Variants in STRIP2 observed in about 807,000 individuals in gnomAD.
The protein encoded by STRIP2 is striatin interacting protein 2.
In STRIP2, 84 loss-of-function variants were observed where a neutral mutation model predicts 107.1. The ratio of observed to expected loss-of-function variants is 0.78; its 90% confidence interval spans 0.66 to 0.94. The LOEUF is 0.94. STRIP2 is among the 40% of genes least tolerant of loss of function. The pLI is 0.00. For missense variants in STRIP2, 888 were observed against 1,034.2 expected, an observed-to-expected ratio of 0.86 and a Z score of 1.94; for synonymous variants, 394 against 400.4, an observed-to-expected ratio of 0.98 and a Z score of 0.19.
intron 18 of STRIP2, among the ~76,000 whole-genome samples, chr7:129,479,550 C>T (rs1202290731): frequency 6.8e-6 from 1 of 147,734 alleles, no homozygotes; most frequent in Non-Finnish European, 1.5e-5. Flanking sequence ...AGTTCAATGG[C>T]GTGGTCTTGG....
In STRIP2 at chr7:129,458,367, G is replaced by C. The variant is rs747858494; in HGVS notation, c.1191G>C (p.Leu397=). The part of the protein sequence containing the change: ...GELDLLEQDP[L]VPPPPSQAPL... ...TAGACCTGCTAGAGCAGGACCCTCT[G>C]GTGCCACCTCCACCCTCACAGGCAC... is the stretch of plus-strand genomic sequence containing the variant. The change falls in exon 10 of 21, where the codon CTG becomes CTC. Residue 397 remains leucine (L), a synonymous_variant. Transcript: ENST00000249344. The surrounding 1 kb of genome is among the most constrained non-coding windows in gnomAD (Gnocchi z 4.6). 2 of 1,613,900 alleles carry C rather than the reference G, an allele frequency of 1.2e-6. No homozygotes were observed. The highest frequency in any genetic ancestry group is 2.7e-5 in the African/African-American group (2 of 74,922).
chr7:129,453,916 A>C (rs1362529418), intron 5 of STRIP2, among the ~76,000 whole-genome samples: 9 of 152,182 alleles, frequency 5.9e-5, no homozygotes. Flanking sequence ...TGGGGAATGC[A>C]AGAGGAGTGG....
rs1412128586 is a variant in STRIP2 at position 129,451,024 on chromosome 7, C to T, written c.275-589C>T. ...GGATCTCGGCTCACTGCAAGCTCCG[C>T]CTCCCGGGTTCACGCCATTCTCCTG... On this transcript the variant is annotated intron_variant, in intron 3 of 20. Coordinates refer to ENST00000249344, the MANE Select transcript of STRIP2 (RefSeq NM_020704.3). Among the ~76,000 whole-genome samples, 959 of 131,390 alleles carry T rather than the reference C, an allele frequency of 7.3e-3. 13 individuals are homozygous for T. The highest frequency in any genetic ancestry group is 0.026 in the African/African-American group (926 of 35,932). The allele number at this position is 131,390 out of a possible 152,430, so 86.2% of individuals were successfully genotyped here. A position where few individuals can be genotyped will look rare whatever the true frequency, so the allele number is the denominator to read the frequency against.
Position 129,453,321 on chromosome 7 carries a change from C to G in STRIP2, c.504C>G (p.Phe168Leu). Residue 168 changes from phenylalanine (F) to leucine (L), a missense_variant, in exon 5 of 21, where the codon TTC becomes TTG. By Grantham distance (22) the Phe-to-Leu change is conservative (BLOSUM62 0). Transcript: ENST00000249344. ...LLYQMGTFST[F>L]LELLHMEIDN... Reference sequence around the variant, plus strand: ...ATCAGATGGGGACCTTCTCCACCTTCCTGGAGCTACTCCACATGGAAATTG... The same window carrying G: ...ATCAGATGGGGACCTTCTCCACCTTGCTGGAGCTACTCCACATGGAAATTG... The G allele has an allele frequency of 6.2e-7, 1 of 1,614,146 alleles. No homozygotes were observed. Among genetic ancestry groups the G allele is most frequent in the Non-Finnish European group, 8.5e-7 (1 of 1,179,998 alleles).
chr7:129,445,695 A>G (rs554179059), intron 3 of STRIP2, among the ~76,000 whole-genome samples: 11 of 152,318 alleles, frequency 7.2e-5, no homozygotes, highest in South Asian at 6.2e-4. Context: ...TCACCGTTCT[A>G]TCAATCCAGC....
At chr7:129,464,833 G>T in intron 16 of STRIP2, 95 bp downstream of exon 16, 1 of 1,492,888 alleles carries the variant, frequency 6.7e-7, no homozygotes. Flanking sequence ...ATCCTGATGA[G>T]CATCTTTCAG....
rs575129294 is a variant in STRIP2, at chr7:129,487,494, C to T, written c.*1665C>T. On this transcript the variant is annotated 3_prime_UTR_variant, in exon 21 of 21. Transcript: ENST00000249344. ...ACATGAATAAAATACTTGACAGTATCCAAAGGAGCTATACCAAAATCTAAC... is the reference window on the plus strand; with the variant it reads ...ACATGAATAAAATACTTGACAGTATTCAAAGGAGCTATACCAAAATCTAAC... 15 of 152,240 alleles carry T rather than the reference C, an allele frequency of 9.9e-5. No individual in the cohort carries two copies. The East Asian group carries it at 2.9e-3, about 29-fold the overall frequency. 9.4% of individuals were successfully genotyped at this position (152,240 alleles called of 1,614,324 possible). A position where few individuals can be genotyped will look rare whatever the true frequency, so the allele number is the denominator to read the frequency against.
At chr7:129,473,958 C>A (rs1025778655) in intron 18 of STRIP2, among the ~76,000 whole-genome samples, 3 of 152,096 alleles carry the variant, frequency 2.0e-5, no homozygotes, top group African/African-American at 7.2e-5. Flanking sequence ...ACCTGGTGAT[C>A]CGCCCACCTC....
chr7:129,483,021 G>GA lies in STRIP2; in HGVS notation c.2231dup (p.Asn744LysfsTer3). On this transcript the variant is annotated frameshift_variant, in exon 20 of 21. Coordinates refer to ENST00000249344, the MANE Select transcript of STRIP2 (RefSeq NM_020704.3). LOFTEE classifies it high-confidence loss of function. The surrounding 1 kb of genome is among the most constrained non-coding windows in gnomAD (Gnocchi z 5.1). ...TTTACCAGAAAGTGCGTCACCGCAT[G>GA]AACGATGACTGGGCTTACGGGAATG... is the stretch of plus-strand genomic sequence containing the variant. 6.2e-7 allele frequency: 1 copy of GA among 1,614,224 alleles called. No homozygotes were observed. The highest frequency in any genetic ancestry group is 8.5e-7 in the Non-Finnish European group (1 of 1,180,042).
At chr7:129,437,806 T>C (rs1213233463) in intron 1 of STRIP2, among the ~76,000 whole-genome samples, 2 of 151,044 alleles carry the variant, frequency 1.3e-5, no homozygotes, top group African/African-American at 2.4e-5. Context: ...GCCTTGTTTT[T>C]TTTTGTTTTT....
At chr7:129,439,233 TAA>T (rs567877007) in intron 1 of STRIP2, among the ~76,000 whole-genome samples, 168 of 152,284 alleles carry the variant, frequency 1.1e-3, no homozygotes, top group Middle Eastern at 6.8e-3. Flanking sequence ...CAGGAACTTC[TAA>T]GAGTTTCAGG....
In STRIP2 at chr7:129,458,629, G is replaced by A; in HGVS notation, c.1275-83G>A. 6.8e-7 allele frequency: 1 copy of A among 1,477,918 alleles called. No homozygotes were observed. Among genetic ancestry groups the A allele is most frequent in the Non-Finnish European group, 9.4e-7 (1 of 1,061,646 alleles). The allele number at this position is 1,477,918 out of a possible 1,614,324, so 91.6% of individuals were successfully genotyped here. On this transcript the variant is annotated intron_variant, in intron 10 of 20. Coordinates refer to ENST00000249344, the MANE Select transcript of STRIP2 (RefSeq NM_020704.3). The surrounding 1 kb of genome is among the most constrained non-coding windows in gnomAD (Gnocchi z 4.6). ...CACTGCTCCAGTCCTCTGATTGGAG[G>A]GATAGGAGCCCGGAAAGTTTTTCTC...
At chr7:129,479,332 C>T (rs1255623641) in intron 18 of STRIP2, among the ~76,000 whole-genome samples, 2 of 151,590 alleles carry the variant, frequency 1.3e-5, no homozygotes, top group African/African-American at 2.4e-5. Flanking sequence ...CAAGATATAA[C>T]GTCTGTAGAA....
chr7:129,475,036 A>T (rs1228701629), intron 18 of STRIP2, among the ~76,000 whole-genome samples: 2 of 152,230 alleles, frequency 1.3e-5, no homozygotes, highest in East Asian at 3.8e-4. Flanking sequence ...AAGTTTAAAA[A>T]TTTGTGTATC....
intron 13 of STRIP2, among the ~76,000 whole-genome samples, chr7:129,460,887 C>T (rs777846647): frequency 6.6e-6 from 1 of 152,198 alleles, no homozygotes; most frequent in African/African-American, 2.4e-5. Flanking sequence ...GCCACTTTGC[C>T]GAGGACCTGT....
chr7:129,450,078 C>A (rs1435603856), intron 3 of STRIP2, among the ~76,000 whole-genome samples: 1 of 152,184 alleles, frequency 6.6e-6, no homozygotes, highest in East Asian at 1.9e-4. Context: ...CAGTTTCCAC[C>A]AAGGACTATC....
chr7:129,476,402 G>C (rs1272860320), intron 18 of STRIP2, among the ~76,000 whole-genome samples: 2 of 138,082 alleles, frequency 1.4e-5, no homozygotes, highest in Admixed American at 7.1e-5. Context: ...CGGGCGGAGG[G>C]GCTCCTCACT....
chr7:129,447,553 G>A lies in STRIP2; in HGVS notation c.274+3455G>A, dbSNP rs139203151. Among the ~76,000 whole-genome samples the A allele has an allele frequency of 5.7e-3, 866 of 152,296 alleles. 8 individuals carry two copies. The highest frequency in any genetic ancestry group is 0.02 in the African/African-American group (823 of 41,548). Reference sequence around the variant, plus strand: ...ATGTAATGGACCAATGTGATATCTTGTGGAAGCAAAAAGCGATCAAGGTCT... The same window carrying A: ...ATGTAATGGACCAATGTGATATCTTATGGAAGCAAAAAGCGATCAAGGTCT... On this transcript the variant is annotated intron_variant, in intron 3 of 20. Transcript: ENST00000249344.
intron 18 of STRIP2, among the ~76,000 whole-genome samples, chr7:129,473,767 G>T (rs949809034): frequency 2.0e-5 from 3 of 151,878 alleles, no homozygotes; most frequent in Non-Finnish European, 2.9e-5. Flanking sequence ...GGCCAGGCTG[G>T]AGTGCAGTGG....
Sources: allele counts gnomAD v4.1 joint callset (sites outside exome capture counted in the v4.1 genomes callset), GRCh38; gene constraint gnomAD v4.1.1; non-coding constraint Gnocchi (gnomAD v3.1); transcripts MANE v1.5; gene names NCBI Gene and HGNC (gene_info 2026-07-23, HGNC 2026-07-21).